The following FECH variants were observed in gnomAD, a reference collection of about 807,000 sequenced individuals.
FECH encodes ferrochelatase, mitochondrial.
A neutral mutation model predicts 56.9 loss-of-function variants in FECH; 40 were observed. The observed-to-expected ratio is 0.70, with a 90% CI of 0.55 to 0.92. The LOEUF is 0.92. Among genes scored for constraint, FECH ranks in the 40% least tolerant of loss-of-function variants. FECH has a pLI of 0.00. For synonymous variants in FECH, 175 were observed against 198.6 expected (o/e 0.88, Z 1.00); for missense variants, 431 against 529.1 (o/e 0.81, Z 1.82).
intron 2 of FECH, among the ~76,000 whole-genome samples, chr18:57,575,521 C>T (rs2051173042): frequency 1.3e-5 from 2 of 152,186 alleles, no homozygotes; most frequent in African/African-American, 2.4e-5. Context: ...AAGCTCACTG[C>T]ATCCTCGACC....
At chr18:57,559,725 AAC>A in intron 6 of FECH, among the ~76,000 whole-genome samples, 1 of 152,354 alleles carries the variant, frequency 6.6e-6, no homozygotes, top group South Asian at 2.1e-4. Context: ...CTATTTTTAT[AAC>A]AGTTTCTTCT....
In FECH at chr18:57,578,697, C is replaced by T. The variant is rs541642132; in HGVS notation, c.194+1376G>A. Among the ~76,000 whole-genome samples, 16 of 151,362 alleles carry T rather than the reference C, an allele frequency of 1.1e-4. No individual in the cohort carries two copies. In the South Asian group the frequency reaches 2.1e-3, roughly 20 times the overall value. On this transcript the variant is annotated intron_variant, in intron 2 of 10. Coordinates refer to ENST00000262093, the MANE Select transcript of FECH (RefSeq NM_000140.5). ...TCCTCAAAATAAAAACGGTGGCTCA[C>T]GCCTGTAATCTCAGCACTTTGGGAG...
chr18:57,554,969 ATGGG>A lies in FECH; in HGVS notation c.805-21_805-18del, dbSNP rs777419987. 3 of 1,601,526 alleles carry A rather than the reference ATGGG, an allele frequency of 1.9e-6. No homozygotes were observed. Among genetic ancestry groups the A allele is most frequent in the Non-Finnish European group, 2.6e-6 (3 of 1,168,750 alleles). On this transcript the variant is annotated intron_variant, in intron 7 of 10. Transcript: ENST00000262093. ...GTTGACCACCTGCAGCAGAGACACA[ATGGG>A]TGTTCAGCCATTAACACTGGGAAGG... is the stretch of plus-strand genomic sequence containing the variant.
chr18:57,558,638 A>G (rs1215531526), intron 7 of FECH, among the ~76,000 whole-genome samples: 3 of 152,158 alleles, frequency 2.0e-5, no homozygotes, highest in Non-Finnish European at 4.4e-5. Flanking sequence ...AGAAAAGAGG[A>G]GCTGGGTGTG....
intron 8 of FECH, 123 bp downstream of exon 8, chr18:57,554,722 G>T: frequency 1.2e-6 from 1 of 818,986 alleles, no homozygotes; most frequent in Non-Finnish European, 2.1e-6. Flanking sequence ...TTCTGCCCAT[G>T]GTGAGCAATC....
At chr18:57,558,476 G>A (rs564383319) in intron 7 of FECH, among the ~76,000 whole-genome samples, 48 of 152,274 alleles carry the variant, frequency 3.2e-4, no homozygotes, top group African/African-American at 1.1e-3. Context: ...CAAAAGCATG[G>A]GATTGAGAGC....
intron 7 of FECH, among the ~76,000 whole-genome samples, chr18:57,556,330 G>A (rs2050866843): frequency 6.6e-6 from 1 of 152,084 alleles, no homozygotes; most frequent in Admixed American, 6.6e-5. Flanking sequence ...TTGTCTTAAA[G>A]TATCTCCTCC....
chr18:57,559,071 C>A (rs1300552668), intron 7 of FECH, 74 bp downstream of exon 7: 11 of 1,000,796 alleles, frequency 1.1e-5, no homozygotes, highest in African/African-American at 3.2e-5. Flanking sequence ...AAGCTGGACC[C>A]ATTTTACACA....
Position 57,559,187 on chromosome 18 carries a change from GCTTCT to G in FECH, c.757_761del (p.Ser254GlyfsTer69), listed in dbSNP as rs780942159. 4 of 1,613,540 alleles carry G rather than the reference GCTTCT, an allele frequency of 2.5e-6. No individual in the cohort carries two copies. The African/African-American group carries it at 4.0e-5, about 16-fold the overall frequency. ...GAGCAGAAAACAGAATGACCACCTCGCTTCTCTTCTCAAGTGGAAAATGGTCCAGT... is the reference window on the plus strand; with the variant it reads ...GAGCAGAAAACAGAATGACCACCTCGCTTCTCAAGTGGAAAATGGTCCAGT... On this transcript the variant is annotated frameshift_variant, in exon 7 of 11. Coordinates refer to ENST00000262093, the MANE Select transcript of FECH (RefSeq NM_000140.5). LOFTEE classifies it high-confidence loss of function.
At position 57,545,252 on chromosome 18, in the gene FECH, T is replaced by C. The variant is rs2050704877; in HGVS notation, c.*5460A>G. ...TAACAAAGGCTCAAAGCAGGCTTTT[T>C]TCCAAAAATGTTTTTAATTCCAACA... On this transcript the variant is annotated 3_prime_UTR_variant, in exon 11 of 11. Transcript: ENST00000262093. Among the ~76,000 whole-genome samples the C allele has an allele frequency of 6.6e-6, 1 of 152,218 alleles. No homozygotes were observed. Among genetic ancestry groups the C allele is most frequent in the Non-Finnish European group, 1.5e-5 (1 of 68,038 alleles).
intron 6 of FECH, among the ~76,000 whole-genome samples, chr18:57,560,008 C>T (rs902941286): frequency 2.0e-5 from 3 of 152,136 alleles, no homozygotes; most frequent in African/African-American, 7.2e-5. Context: ...GGCTTTCTTT[C>T]GTCTTATACT....
Position 57,544,553 on chromosome 18 carries a change from T to C in FECH, c.*6159A>G, listed in dbSNP as rs905837399. On this transcript the variant is annotated 3_prime_UTR_variant, in exon 11 of 11. Coordinates refer to ENST00000262093, the MANE Select transcript of FECH (RefSeq NM_000140.5). ...AGCTCTCGCATCTGCAGCCAACCTA[T>C]GGTTGCAATTGATCAACAAGTATAG... 6.6e-6 allele frequency among the ~76,000 whole-genome samples: 1 copy of C among 152,262 alleles called. No individual in the cohort carries two copies. The highest frequency in any genetic ancestry group is 2.4e-5 in the African/African-American group (1 of 41,470).
Position 57,559,202 on chromosome 18 carries a change from T to C in FECH, c.747A>G (p.Pro249=), listed in dbSNP as rs2050908921. The C allele has an allele frequency of 1.2e-6, 2 of 1,613,552 alleles. No individual in the cohort carries two copies. The highest frequency in any genetic ancestry group is 1.3e-5 in the African/African-American group (1 of 74,818). Residue 249 remains proline (P), a synonymous_variant, in exon 7 of 11, where the codon CCA becomes CCG. Transcript: ENST00000262093. ...DHILKELDHF[P]LEKRSEVVIL... ...TGACCACCTCGCTTCTCTTCTCAAG[T>C]GGAAAATGGTCCAGTTCCTTTAGAA...
chr18:57,560,429 C>CT (rs1279794723), intron 6 of FECH, among the ~76,000 whole-genome samples: 1 of 152,240 alleles, frequency 6.6e-6, no homozygotes, highest in Non-Finnish European at 1.5e-5. Context: ...GGTTGGACGA[C>CT]TGCTGGAGCC....
intron 1 of FECH, among the ~76,000 whole-genome samples, chr18:57,584,657 C>T (rs879267734): frequency 6.6e-6 from 1 of 151,246 alleles, no homozygotes; most frequent in Non-Finnish European, 1.5e-5. Flanking sequence ...AAATATGCAC[C>T]GTTTTTAAAA....
chr18:57,569,102 C>A (rs890208947), intron 4 of FECH, among the ~76,000 whole-genome samples: 1 of 152,232 alleles, frequency 6.6e-6, no homozygotes, highest in Admixed American at 6.5e-5. Flanking sequence ...AGAATTATTT[C>A]ATGAGCATCC....
At chr18:57,555,809 G>A (rs1308959515) in intron 7 of FECH, among the ~76,000 whole-genome samples, 1 of 152,176 alleles carries the variant, frequency 6.6e-6, no homozygotes, top group Non-Finnish European at 1.5e-5. Flanking sequence ...AATATAGCAG[G>A]TGCTCAATAA....
At chr18:57,572,939 C>T (rs772224273) in intron 3 of FECH, 2 of 341,516 alleles carry the variant, frequency 5.9e-6, no homozygotes, top group Admixed American at 4.5e-5. Flanking sequence ...GTTAATCAGC[C>T]GTTAAGTGAC....
At position 57,550,592 on chromosome 18, in the gene FECH, G is replaced by T; in HGVS notation, c.*120C>A. 7.8e-7 allele frequency: 1 copy of T among 1,275,866 alleles called. No individual in the cohort carries two copies. The highest frequency in any genetic ancestry group is 1.1e-6 in the Non-Finnish European group (1 of 894,610). The allele number at this position is 1,275,866 out of a possible 1,614,324, so 79.0% of individuals were successfully genotyped here. A position where few individuals can be genotyped will look rare whatever the true frequency, so the allele number is the denominator to read the frequency against. On this transcript the variant is annotated 3_prime_UTR_variant, in exon 11 of 11. Transcript: ENST00000262093. Reference sequence around the variant, plus strand: ...GAAACCACACAATTTGTACCCAAAGGCTGTATATATATCAAGGAAGGATGA... The same window carrying T: ...GAAACCACACAATTTGTACCCAAAGTCTGTATATATATCAAGGAAGGATGA...
Sources: gnomAD v4.1 joint callset for allele counts (sites outside exome capture counted in the v4.1 genomes callset) on GRCh38, gnomAD v4.1.1 for gene constraint, MANE v1.5 for transcripts, NCBI Gene and HGNC (gene_info 2026-07-23, HGNC 2026-07-21) for gene names.